MYOF: variants seen among roughly 807,000 people sequenced by gnomAD.
MYOF encodes the protein fer-1-like 3, myoferlin.
In MYOF, 244 loss-of-function variants were observed where a neutral mutation model predicts 284.2. The observed-to-expected ratio is 0.86, with a 90% CI of 0.77 to 0.95. MYOF has a LOEUF of 0.95. Among genes scored for constraint, MYOF ranks in the 40% least tolerant of loss-of-function variants. The pLI is 0.00. For missense variants in MYOF, 2,496 were observed against 2,560.6 expected (o/e 0.97, Z 0.54); for synonymous variants, 904 against 919.7 (o/e 0.98, Z 0.31).
intron 32 of MYOF, among the ~76,000 whole-genome samples, chr10:93,353,265 C>T (rs572666027): frequency 1.6e-4 from 25 of 152,226 alleles, no homozygotes; most frequent in Non-Finnish European, 3.2e-4. Flanking sequence ...CTCTCAGAAC[C>T]AGTCCGAAGC....
rs980089196 is a variant in MYOF at position 93,359,906 on chromosome 10, T to G, written c.3047A>C (p.His1016Pro). Residue 1016 changes from histidine to proline, a missense_variant, in exon 29 of 54, where the codon CAC becomes CCC. Coordinates refer to ENST00000359263, the MANE Select transcript of MYOF (RefSeq NM_013451.4). ...GACCAGCCTTCGCCGTCTATGAGTG[T>G]GGTACATTTTCTCTGCTGCAACCCA... ...KSWVAAEKMY[H>P]THRRRRLVRK... 1 of 1,614,078 alleles carries G rather than the reference T, an allele frequency of 6.2e-7. No homozygotes were observed. Among genetic ancestry groups the G allele is most frequent in the Non-Finnish European group, 8.5e-7 (1 of 1,180,046 alleles).
intron 39 of MYOF, 139 bp from the exon 40 acceptor site, chr10:93,338,052 C>A: frequency 1.4e-5 from 9 of 657,578 alleles, no homozygotes; most frequent in East Asian, 5.5e-5. Context: ...CTTTTGTTTA[C>A]ATGCACAATG....
At chr10:93,312,857 G>A (rs1157791426) in intron 51 of MYOF, among the ~76,000 whole-genome samples, 163 bp downstream of exon 51, 2 of 151,960 alleles carry the variant, frequency 1.3e-5, no homozygotes, top group African/African-American at 2.4e-5. Context: ...TATATTGTAA[G>A]ACAAAGGCAA....
At chr10:93,441,628 G>T (rs551100888) in intron 3 of MYOF, among the ~76,000 whole-genome samples, 17 of 150,428 alleles carry the variant, frequency 1.1e-4, no homozygotes, top group Non-Finnish European at 2.5e-4. Flanking sequence ...CAATGGCACG[G>T]TCTCGGCTCA....
chr10:93,373,413 C>T (rs575170492), intron 23 of MYOF, among the ~76,000 whole-genome samples: 1 of 152,296 alleles, frequency 6.6e-6, no homozygotes, highest in South Asian at 2.1e-4. Context: ...AAGCCACCAG[C>T]AGCAGTCAAA....
At chr10:93,445,594 C>T (rs993168699) in intron 3 of MYOF, among the ~76,000 whole-genome samples, 3 of 152,238 alleles carry the variant, frequency 2.0e-5, no homozygotes, top group Non-Finnish European at 2.9e-5. Context: ...AGAGTCCACA[C>T]TGAACAAGGC....
chr10:93,373,980 AG>A (rs1177830043), intron 23 of MYOF, among the ~76,000 whole-genome samples: 1 of 152,100 alleles, frequency 6.6e-6, no homozygotes, highest in African/African-American at 2.4e-5. Flanking sequence ...CATTTACGTT[AG>A]GTATTTCTCT....
intron 53 of MYOF, 139 bp downstream of exon 53, chr10:93,309,881 T>C (rs901313142): frequency 1.3e-5 from 13 of 1,023,506 alleles, no homozygotes; most frequent in Admixed American, 2.9e-5. Flanking sequence ...ACTTTAAATT[T>C]CCCCAAAGCA....
chr10:93,437,347 G>A (rs1401046974), intron 3 of MYOF, among the ~76,000 whole-genome samples: 2 of 151,904 alleles, frequency 1.3e-5, no homozygotes, highest in Non-Finnish European at 2.9e-5. Flanking sequence ...CTCCCCTTTA[G>A]CACGGCGCAA....
At chr10:93,481,730 G>T (rs1040604091) in intron 1 of MYOF, among the ~76,000 whole-genome samples, 1 of 152,140 alleles carries the variant, frequency 6.6e-6, no homozygotes, top group Non-Finnish European at 1.5e-5. Flanking sequence ...CAATTTAATT[G>T]CTCTTCTTCC....
At chr10:93,396,077 T>G in intron 16 of MYOF, 65 bp downstream of exon 16, 1 of 1,344,338 alleles carries the variant, frequency 7.4e-7, no homozygotes, top group Non-Finnish European at 1.0e-6. Flanking sequence ...CCCCAGTTCA[T>G]TTTTTTCTCA....
At chr10:93,480,164 A>G (rs1050943072) in intron 1 of MYOF, among the ~76,000 whole-genome samples, 3 of 152,180 alleles carry the variant, frequency 2.0e-5, no homozygotes, top group Non-Finnish European at 2.9e-5. Flanking sequence ...AAAACAAAAA[A>G]TTAATAAAAC....
At chr10:93,384,551 A>G (rs1198763765) in intron 19 of MYOF, among the ~76,000 whole-genome samples, 3 of 151,926 alleles carry the variant, frequency 2.0e-5, no homozygotes, top group Non-Finnish European at 2.9e-5. Context: ...GGCTGAGGCA[A>G]GAGAATCACT....
intron 3 of MYOF, among the ~76,000 whole-genome samples, chr10:93,451,133 A>G (rs788107): frequency 0.59 from 89,992 of 151,746 alleles, 28,555 homozygotes; most frequent in East Asian, 0.77. Flanking sequence ...TGAGGTAAGG[A>G]GTTCAAGACC....
chr10:93,437,588 G>A (rs1442348129), intron 3 of MYOF, among the ~76,000 whole-genome samples: 1 of 152,184 alleles, frequency 6.6e-6, no homozygotes, highest in African/African-American at 2.4e-5. Flanking sequence ...TCGCAGCACG[G>A]TCTCAACTTC....
Position 93,337,805 on chromosome 10 carries a change from A to T in MYOF, c.4437+10T>A. The T allele has an allele frequency of 6.2e-7, 1 of 1,609,566 alleles. No homozygotes were observed. The highest frequency in any genetic ancestry group is 8.5e-7 in the Non-Finnish European group (1 of 1,175,966). ...TGATTCTCCACCCATAGCAGCATAG[A>T]TCCAGGTACCTTGAGCTTGGAATAG... On this transcript the variant is annotated intron_variant, in intron 40 of 53. Coordinates refer to ENST00000359263, the MANE Select transcript of MYOF (RefSeq NM_013451.4).
intron 53 of MYOF, among the ~76,000 whole-genome samples, chr10:93,309,135 A>G (rs765121321): frequency 1.3e-5 from 2 of 152,084 alleles, no homozygotes; most frequent in Admixed American, 6.6e-5. Context: ...CCACTTGGCA[A>G]ACTTGAATGT....
chr10:93,389,262 A>C, intron 17 of MYOF, 108 bp from the exon 18 acceptor site: 5 of 1,309,310 alleles, frequency 3.8e-6, no homozygotes, highest in Non-Finnish European at 5.0e-6. Context: ...CCATTTTGGG[A>C]GTTAGTTGTA....
intron 3 of MYOF, among the ~76,000 whole-genome samples, chr10:93,447,194 T>C (rs1402585681): frequency 6.6e-6 from 1 of 152,350 alleles, no homozygotes; most frequent in East Asian, 1.9e-4. Context: ...CAGGTTCAGA[T>C]AGACTGCACG....
Sources: allele counts gnomAD v4.1 joint callset (sites outside exome capture counted in the v4.1 genomes callset), GRCh38; gene constraint gnomAD v4.1.1; transcripts MANE v1.5; gene names NCBI Gene and HGNC (gene_info 2026-07-23, HGNC 2026-07-21).